The following CTF1 variants were observed in gnomAD, a reference collection of about 807,000 sequenced individuals.
CTF1 encodes the protein cardiotrophin-1.
CTF1 carries 9 observed loss-of-function variants against 10.9 expected under a neutral mutation model. That is an observed-to-expected ratio of 0.83 (90% confidence interval 0.50 to 1.44). The LOEUF is 1.44. Ranked by LOEUF, CTF1 falls within the 40% of genes most tolerant of loss-of-function variation. The pLI, the probability that CTF1 is intolerant of heterozygous loss-of-function variation, is 0.00. For synonymous variants in CTF1, 133 were observed against 138.8 expected (o/e 0.96, Z 0.29); for missense variants, 259 against 275.3 (o/e 0.94, Z 0.42).
chr16:30,902,671 C>CT lies in CTF1; in HGVS notation c.*137dup, dbSNP rs1244589325. On this transcript the variant is annotated 3_prime_UTR_variant, in exon 3 of 3. Transcript: ENST00000279804. Reference sequence around the variant, plus strand: ...GTCTCCATTGCCTCGGCCTTCTTTGCTTTTTGTGGGGGAGAGGGGAGGGGA... The same window carrying CT: ...GTCTCCATTGCCTCGGCCTTCTTTGCTTTTTTGTGGGGGAGAGGGGAGGGGA... The CT allele has an allele frequency of 7.8e-7, 1 of 1,281,970 alleles. No individual in the cohort carries two copies. Among genetic ancestry groups the CT allele is most frequent in the Non-Finnish European group, 1.0e-6 (1 of 1,001,930 alleles). 79.4% of individuals were successfully genotyped at this position (1,281,970 alleles called of 1,614,324 possible). A position where few individuals can be genotyped will look rare whatever the true frequency, so the allele number is the denominator to read the frequency against.
Position 30,903,414 on chromosome 16 carries a change from C to T in CTF1, c.*875C>T, listed in dbSNP as rs1264268711. On this transcript the variant is annotated 3_prime_UTR_variant, in exon 3 of 3. Transcript: ENST00000279804. ...CTTTGATGTCCTCCTTTCCTTCAGC[C>T]CCTCTGCCCTGTCCCTGCACACCTC... is the stretch of plus-strand genomic sequence containing the variant. 1 of 153,984 alleles carries T rather than the reference C, an allele frequency of 6.5e-6. No individual in the cohort carries two copies. Among genetic ancestry groups the T allele is most frequent in the Non-Finnish European group, 1.4e-5 (1 of 69,196 alleles). The allele number at this position is 153,984 out of a possible 1,614,324, so 9.5% of individuals were successfully genotyped here.
chr16:30,900,825 T>A (rs1224747981), intron 2 of CTF1, among the ~76,000 whole-genome samples: 1 of 152,042 alleles, frequency 6.6e-6, no homozygotes, highest in Admixed American at 6.6e-5. Flanking sequence ...TGCTATGAAC[T>A]TTGGTTCAAA....
Position 30,902,492 on chromosome 16 carries a change from C to G in CTF1, c.559C>G (p.Arg187Gly). ...CGGCCTCTACCGCGAGTGGCTGAGC[C>G]GCACCGAGGGCGACCTGGGCCAGCT... is the stretch of plus-strand genomic sequence containing the variant. ...VCGLYREWLSRTEGDLGQLLP... is the reference protein window; with the variant it reads ...VCGLYREWLSGTEGDLGQLLP... Residue 187 changes from arginine to glycine, a missense_variant, in exon 3 of 3, where the codon CGC becomes GGC. By Grantham distance (125) the Arg-to-Gly change is moderately radical. Coordinates refer to ENST00000279804, the MANE Select transcript of CTF1 (RefSeq NM_001330.5). The G allele has an allele frequency of 4.7e-6, 7 of 1,487,328 alleles. No homozygotes were observed. The highest frequency in any genetic ancestry group is 6.2e-6 in the Non-Finnish European group (7 of 1,123,092). 92.1% of individuals were successfully genotyped at this position (1,487,328 alleles called of 1,614,324 possible). A position where few individuals can be genotyped will look rare whatever the true frequency, so the allele number is the denominator to read the frequency against.
rs2143244756 is a variant in CTF1, at chr16:30,902,167, C to T, written c.234C>T (p.His78=). The change falls in exon 3 of 3, where the codon CAC becomes CAT. Residue 78 remains histidine (H), a synonymous_variant. Coordinates refer to ENST00000279804, the MANE Select transcript of CTF1 (RefSeq NM_001330.5). ...VAGLSAPAPS[H]AGLPVHERLR... ...GCCTGAGCGCCCCGGCTCCGAGCCA[C>T]GCGGGGCTGCCAGTGCACGAGCGGC... 7.8e-7 allele frequency: 1 copy of T among 1,289,180 alleles called. No homozygotes were observed. Among genetic ancestry groups the T allele is most frequent in the East Asian group, 3.2e-5 (1 of 30,930 alleles). The allele number at this position is 1,289,180 out of a possible 1,614,324, so 79.9% of individuals were successfully genotyped here.
chr16:30,902,399 G>GCCGCCACCGCCTCAGCCGCCT lies in CTF1; in HGVS notation c.476_496dup (p.Ala159_Thr165dup). 1 of 1,263,286 alleles carries GCCGCCACCGCCTCAGCCGCCT rather than the reference G, an allele frequency of 7.9e-7. No individual in the cohort carries two copies. Among genetic ancestry groups the GCCGCCACCGCCTCAGCCGCCT allele is most frequent in the Non-Finnish European group, 1.0e-6 (1 of 1,004,656 alleles). 78.3% of individuals were successfully genotyped at this position (1,263,286 alleles called of 1,614,324 possible). ...CCGCGGGCCCCGGGCCGAGCCCCCC[G>GCCGCCACCGCCTCAGCCGCCT]CCGCCACCGCCTCAGCCGCCTCCGC... On this transcript the variant is annotated inframe_insertion, in exon 3 of 3. Transcript: ENST00000279804.
rs1264944019 is a variant in CTF1 at position 30,899,461 on chromosome 16, G to C, written c.72G>C (p.Glu24Asp). 6.2e-7 allele frequency: 1 copy of C among 1,613,992 alleles called. No homozygotes were observed. Among genetic ancestry groups the C allele is most frequent in the South Asian group, 1.1e-5 (1 of 91,060 alleles). The change falls in exon 2 of 3, where the codon GAG (glutamate) becomes GAC (aspartate). Residue 24 changes from glutamate to aspartate, a missense_variant. Glu to Asp is a conservative substitution (Grantham distance 45). Transcript: ENST00000279804. ...CAGTCTCACTTCTTCCCCACTTGGA[G>C]GCCAAGATCCGTCAGACACACAGCC... ...DSSVSLLPHL[E>D]AKIRQTHSLA... is the part of the protein sequence containing the mutation.
chr16:30,897,266 A>G (rs2055361375), intron 1 of CTF1, among the ~76,000 whole-genome samples: 1 of 152,206 alleles, frequency 6.6e-6, no homozygotes, highest in South Asian at 2.1e-4. Flanking sequence ...TAGCCAGGCC[A>G]GCGCCTTGCA....
In CTF1 at chr16:30,902,502, G is replaced by A. The variant is rs1235271125; in HGVS notation, c.569G>A (p.Gly190Asp). ...CGCGAGTGGCTGAGCCGCACCGAGG[G>A]CGACCTGGGCCAGCTGCTGCCCGGG... The part of the protein sequence containing the change: ...LYREWLSRTE[G>D]DLGQLLPGGS... Residue 190 changes from glycine (G) to aspartate (D), a missense_variant, in exon 3 of 3, where the codon GGC (glycine) becomes GAC (aspartate). Transcript: ENST00000279804. 6.7e-7 allele frequency: 1 copy of A among 1,490,870 alleles called. No individual in the cohort carries two copies. The highest frequency in any genetic ancestry group is 8.9e-7 in the Non-Finnish European group (1 of 1,124,638). The allele number at this position is 1,490,870 out of a possible 1,614,324, so 92.4% of individuals were successfully genotyped here. A position where few individuals can be genotyped will look rare whatever the true frequency, so the allele number is the denominator to read the frequency against.
chr16:30,896,606 G>A (rs760280450), upstream of CTF1: 53 of 1,253,984 alleles, frequency 4.2e-5, no homozygotes, highest in Non-Finnish European at 5.2e-5. Flanking sequence ...CCCTCGAAAG[G>A]GGGGCGTGAA....
rs1469909271 is a variant in CTF1 at position 30,902,143 on chromosome 16, CCT to C, written c.211_212del (p.Leu71GlufsTer166). ...CGCCGCCGCGGCTGCCGGTGGCCGG[CCT>C]GAGCGCCCCGGCTCCGAGCCACGCG... ...FSPPRLPVAG[L>X]SAPAPSHAGL... On this transcript the variant is annotated frameshift_variant, in exon 3 of 3. Coordinates refer to ENST00000279804, the MANE Select transcript of CTF1 (RefSeq NM_001330.5). LOFTEE classifies it high-confidence loss of function. The C allele has an allele frequency of 1.4e-6, 2 of 1,398,394 alleles. No individual in the cohort carries two copies. Among genetic ancestry groups the C allele is most frequent in the East Asian group, 6.1e-5 (2 of 32,564 alleles). The allele number at this position is 1,398,394 out of a possible 1,614,324, so 86.6% of individuals were successfully genotyped here.
chr16:30,896,604 AG>A (rs35897977), upstream of CTF1: 2 of 1,253,472 alleles, frequency 1.6e-6, no homozygotes, highest in Non-Finnish European at 2.0e-6. Flanking sequence ...CCCCCTCGAA[AG>A]GGGGGCGTGA....
rs570353656 is a variant in CTF1 at position 30,902,606 on chromosome 16, T to C, written c.*67T>C. The C allele has an allele frequency of 1.4e-6, 2 of 1,423,582 alleles. No individual in the cohort carries two copies. The highest frequency in any genetic ancestry group is 3.0e-5 in the African/African-American group (2 of 66,914). 88.2% of individuals were successfully genotyped at this position (1,423,582 alleles called of 1,614,324 possible). A position where few individuals can be genotyped will look rare whatever the true frequency, so the allele number is the denominator to read the frequency against. On this transcript the variant is annotated 3_prime_UTR_variant, in exon 3 of 3. Coordinates refer to ENST00000279804, the MANE Select transcript of CTF1 (RefSeq NM_001330.5). ...CGTCTCTCCTTCCGCTTCTTTGTCTTTCTCTGCCGCTGTCGGTGTCTGTCT... is the reference window on the plus strand; with the variant it reads ...CGTCTCTCCTTCCGCTTCTTTGTCTCTCTCTGCCGCTGTCGGTGTCTGTCT...
Position 30,902,319 on chromosome 16 carries a change from C to A in CTF1, c.386C>A (p.Ala129Asp). 1 of 1,012,196 alleles carries A rather than the reference C, an allele frequency of 9.9e-7. No homozygotes were observed. The highest frequency in any genetic ancestry group is 4.4e-5 in the South Asian group (1 of 22,514). The allele number at this position is 1,012,196 out of a possible 1,614,324, so 62.7% of individuals were successfully genotyped here. Reference protein sequence around the residue: ...LRRLEDAARQARALGAAVEAL... With the variant: ...LRRLEDAARQDRALGAAVEAL... ...CGCCTGGAGGACGCGGCGCGCCAGG[C>A]CCGGGCCCTGGGCGCCGCCGTGGAG... The change falls in exon 3 of 3, where the codon GCC (alanine) becomes GAC (aspartate). Residue 129 changes from alanine (A) to aspartate (D), a missense_variant. Physicochemically the swap from Ala to Asp is moderately radical, Grantham distance 126. Coordinates refer to ENST00000279804, the MANE Select transcript of CTF1 (RefSeq NM_001330.5).
At chr16:30,898,242 ACCT>A (rs2055371352) in intron 1 of CTF1, among the ~76,000 whole-genome samples, 1 of 150,102 alleles carries the variant, frequency 6.7e-6, no homozygotes, top group African/African-American at 2.5e-5. Flanking sequence ...GCTCAATGCA[ACCT>A]CCTCCTCCCA....
At chr16:30,898,398 C>T (rs11862965) in intron 1 of CTF1, among the ~76,000 whole-genome samples, 1 of 152,038 alleles carries the variant, frequency 6.6e-6, no homozygotes, top group Non-Finnish European at 1.5e-5. Flanking sequence ...GTGATCCGCC[C>T]GCCTCATCCT....
At position 30,902,713 on chromosome 16, in the gene CTF1, C is replaced by A; in HGVS notation, c.*174C>A. 9.5e-7 allele frequency: 1 copy of A among 1,055,582 alleles called. No homozygotes were observed. The highest frequency in any genetic ancestry group is 1.2e-6 in the Non-Finnish European group (1 of 807,086). The allele number at this position is 1,055,582 out of a possible 1,614,324, so 65.4% of individuals were successfully genotyped here. A position where few individuals can be genotyped will look rare whatever the true frequency, so the allele number is the denominator to read the frequency against. ...GGGAGGGGACGGGCAGGGTCTCTGTCGCCCAGGCTGGGGTGCAGTGGCGCG... is the reference window on the plus strand; with the variant it reads ...GGGAGGGGACGGGCAGGGTCTCTGTAGCCCAGGCTGGGGTGCAGTGGCGCG... On this transcript the variant is annotated 3_prime_UTR_variant, in exon 3 of 3. Transcript: ENST00000279804.
chr16:30,902,030 C>G, intron 2 of CTF1, 48 bp from the exon 3 acceptor site: 2 of 1,408,398 alleles, frequency 1.4e-6, no homozygotes, highest in South Asian at 2.8e-5. Flanking sequence ...TAACAGCCCC[C>G]TGCCCGTGCT....
Position 30,902,095 on chromosome 16 carries a change from C to A in CTF1, c.162C>A (p.Asp54Glu), listed in dbSNP as rs1370714794. Residue 54 changes from aspartate to glutamate, a missense_variant, in exon 3 of 3, where the codon GAC (aspartate) becomes GAA (glutamate). Transcript: ENST00000279804. ...LLQEYVQLQG[D>E]PFGLPSFSPP... ...CTCCGCAGGTGCAGCTCCAGGGAGACCCCTTCGGGCTGCCCAGCTTCTCGC... is the reference window on the plus strand; with the variant it reads ...CTCCGCAGGTGCAGCTCCAGGGAGAACCCTTCGGGCTGCCCAGCTTCTCGC... 9 of 1,428,874 alleles carry A rather than the reference C, an allele frequency of 6.3e-6. No homozygotes were observed. The highest frequency in any genetic ancestry group is 8.3e-6 in the Non-Finnish European group (9 of 1,088,926). The allele number at this position is 1,428,874 out of a possible 1,614,324, so 88.5% of individuals were successfully genotyped here.
intron 2 of CTF1, 101 bp from the exon 3 acceptor site, chr16:30,901,977 T>C (rs1567331117): frequency 2.7e-6 from 3 of 1,097,400 alleles, no homozygotes; most frequent in Non-Finnish European, 3.5e-6. Flanking sequence ...ATCTGCAAGA[T>C]GAGGAAACTG....
Sources: gnomAD v4.1 joint callset for allele counts (sites outside exome capture counted in the v4.1 genomes callset) on GRCh38, gnomAD v4.1.1 for gene constraint, MANE v1.5 for transcripts, NCBI Gene and HGNC (gene_info 2026-07-23, HGNC 2026-07-21) for gene names.